PCDHGA12: variants seen among roughly 807,000 people sequenced by gnomAD.
PCDHGA12 encodes protocadherin gamma-A12.
A neutral mutation model predicts 61.1 loss-of-function variants in PCDHGA12; 43 were observed. That is an observed-to-expected ratio of 0.70 (90% CI 0.55 to 0.91). PCDHGA12 has a LOEUF of 0.91. Ranked by LOEUF, PCDHGA12 falls within the 40% of genes least tolerant of loss-of-function variation. PCDHGA12 has a pLI of 0.00. For missense variants in PCDHGA12, 1,236 were observed against 1,227.7 expected (o/e 1.01, Z -0.10); for synonymous variants, 520 against 542.9 (o/e 0.96, Z 0.59).
At chr5:141,447,976 C>T (rs774074042) in intron 1 of PCDHGA12, among the ~76,000 whole-genome samples, 18 of 151,938 alleles carry the variant, frequency 1.2e-4, no homozygotes, top group Non-Finnish European at 2.5e-4. Flanking sequence ...ATCCCAGCTA[C>T]TCGGGAGGCT....
At chr5:141,434,265 GA>G (rs2097683598) in intron 1 of PCDHGA12, among the ~76,000 whole-genome samples, 1 of 152,186 alleles carries the variant, frequency 6.6e-6, no homozygotes, top group South Asian at 2.1e-4. Context: ...GGGGGAGGTG[GA>G]AATTAGAGGT....
Position 141,490,148 on chromosome 5 carries a change from A to T in PCDHGA12, c.2425-4659A>T. On this transcript the variant is annotated intron_variant, in intron 1 of 3. Transcript: ENST00000252085. This position sits in a 1 kb window ranked among gnomAD's most constrained non-coding sequence, Gnocchi z 5.4. The stretch of plus-strand genomic sequence containing the variant: ...CTAGACCCTAGCAGTGGGGCAATCC[A>T]TGTGTTGGGTCCCATAGACTTTGAG... The T allele has an allele frequency of 6.2e-7, 1 of 1,614,232 alleles. No homozygotes were observed. The highest frequency in any genetic ancestry group is 1.3e-5 in the African/African-American group (1 of 75,068).
Position 141,505,420 on chromosome 5 carries a change from C to G in PCDHGA12, c.2511C>G (p.Thr837=), listed in dbSNP as rs1236398971. 6.2e-7 allele frequency: 1 copy of G among 1,614,102 alleles called. No individual in the cohort carries two copies. Among genetic ancestry groups the G allele is most frequent in the Non-Finnish European group, 8.5e-7 (1 of 1,180,034 alleles). ...SGSQNGDDTG[T]WPNNQFDTEM... is the part of the protein sequence containing the mutation. ...CCCAAAATGGCGATGACACCGGCACCTGGCCCAACAACCAGTTTGACACAG... is the reference window on the plus strand; with the variant it reads ...CCCAAAATGGCGATGACACCGGCACGTGGCCCAACAACCAGTTTGACACAG... The change falls in exon 3 of 4, where the codon ACC becomes ACG. Residue 837 remains threonine (T), a synonymous_variant. Coordinates refer to ENST00000252085, the MANE Select transcript of PCDHGA12 (RefSeq NM_003735.3).
intron 2 of PCDHGA12, among the ~76,000 whole-genome samples, chr5:141,501,719 T>C (rs1024307894): frequency 6.6e-6 from 1 of 152,028 alleles, no homozygotes; most frequent in African/African-American, 2.4e-5. Context: ...AAAAGACAAA[T>C]ATATTACCCA....
intron 1 of PCDHGA12, among the ~76,000 whole-genome samples, chr5:141,480,151 C>T (rs543997143): frequency 1.3e-5 from 2 of 152,162 alleles, no homozygotes; most frequent in African/African-American, 4.8e-5. Context: ...TTAGCCAGCT[C>T]CTAGCATTTT....
chr5:141,478,748 A>G (rs2099474609), intron 1 of PCDHGA12: 2 of 1,525,644 alleles, frequency 1.3e-6, no homozygotes, highest in African/African-American at 1.4e-5. Context: ...GTCCCATTTC[A>G]GGGGGAAGAT....
chr5:141,458,509 CTTTGT>C (rs1181745590), intron 1 of PCDHGA12, among the ~76,000 whole-genome samples: 1 of 149,986 alleles, frequency 6.7e-6, no homozygotes, highest in Non-Finnish European at 1.5e-5. Context: ...CTGTTTGACA[CTTTGT>C]TTTTTTTTTT....
Position 141,430,720 on chromosome 5 carries a change from T to G in PCDHGA12, c.-40T>G. Reference sequence around the variant, plus strand: ...AAGGAACTGCTCCTGACTTCAGTGGTTAAGGGCAGAATTGAAAATAATTCT... The same window carrying G: ...AAGGAACTGCTCCTGACTTCAGTGGGTAAGGGCAGAATTGAAAATAATTCT... On this transcript the variant is annotated 5_prime_UTR_variant, in exon 1 of 4. Coordinates refer to ENST00000252085, the MANE Select transcript of PCDHGA12 (RefSeq NM_003735.3). 6.7e-7 allele frequency: 1 copy of G among 1,486,390 alleles called. No homozygotes were observed. Among genetic ancestry groups the G allele is most frequent in the East Asian group, 2.4e-5 (1 of 42,210 alleles). The allele number at this position is 1,486,390 out of a possible 1,614,324, so 92.1% of individuals were successfully genotyped here.
At chr5:141,503,023 A>T (rs1163676028) in intron 2 of PCDHGA12, among the ~76,000 whole-genome samples, 1 of 141,884 alleles carries the variant, frequency 7.0e-6, no homozygotes, top group African/African-American at 2.6e-5. Context: ...TTTTTTTTTT[A>T]ATATCTATTT....
At chr5:141,433,220 T>C (rs781745522) in intron 1 of PCDHGA12, 37 bp downstream of exon 1, 1 of 1,509,734 alleles carries the variant, frequency 6.6e-7, no homozygotes, top group South Asian at 1.2e-5. Flanking sequence ...TTTTTTTTTT[T>C]AATTGCTCTG....
chr5:141,433,159 T>C lies in PCDHGA12; in HGVS notation c.2400T>C (p.Ser800=). 1.2e-6 allele frequency: 2 copies of C among 1,613,968 alleles called. No individual in the cohort carries two copies. The highest frequency in any genetic ancestry group is 1.7e-6 in the Non-Finnish European group (2 of 1,179,980). ...PLLLSGDSVF[S]KDSHGLIEQA... is the part of the protein sequence containing the mutation. ...TGCTGTCAGGTGATTCGGTATTTTC[T>C]AAAGACAGTCATGGGTTAATTGAGG... Residue 800 remains serine, a synonymous_variant, in exon 1 of 4, where the codon TCT becomes TCC. Transcript: ENST00000252085.
Position 141,491,910 on chromosome 5 carries a change from G to A in PCDHGA12, c.2425-2897G>A, listed in dbSNP as rs946745903. 1.4e-5 allele frequency: 19 copies of A among 1,406,944 alleles called. No individual in the cohort carries two copies. The South Asian group carries it at 2.6e-4, about 19-fold the overall frequency. 87.2% of individuals were successfully genotyped at this position (1,406,944 alleles called of 1,614,324 possible). On this transcript the variant is annotated intron_variant, in intron 1 of 3. Transcript: ENST00000252085. This position sits in a 1 kb window ranked among gnomAD's most constrained non-coding sequence, Gnocchi z 6.9. ...GGCTCCGAGCACCGGGGGTGGTGGCGACTGTGGGCGAGGGGAGGTGGGACC... is the reference window on the plus strand; with the variant it reads ...GGCTCCGAGCACCGGGGGTGGTGGCAACTGTGGGCGAGGGGAGGTGGGACC...
In PCDHGA12 at chr5:141,487,102, G is replaced by C; in HGVS notation, c.2425-7705G>C. The C allele has an allele frequency of 6.2e-7, 1 of 1,613,900 alleles. No homozygotes were observed. Among genetic ancestry groups the C allele is most frequent in the Non-Finnish European group, 8.5e-7 (1 of 1,179,818 alleles). ...CAGCTGACCTCCCACCACAGAAGCTGGTCATTGTGGTAAAGGATAGTGGTA... is the reference window on the plus strand; with the variant it reads ...CAGCTGACCTCCCACCACAGAAGCTCGTCATTGTGGTAAAGGATAGTGGTA... On this transcript the variant is annotated intron_variant, in intron 1 of 3. Transcript: ENST00000252085. This position sits in a 1 kb window ranked among gnomAD's most constrained non-coding sequence, Gnocchi z 5.0.
intron 1 of PCDHGA12, among the ~76,000 whole-genome samples, chr5:141,474,405 GT>G (rs2099348889): frequency 6.6e-6 from 1 of 152,196 alleles, no homozygotes; most frequent in African/African-American, 2.4e-5. Flanking sequence ...AAGCTCCCCG[GT>G]GATGCCTAGA....
intron 1 of PCDHGA12, among the ~76,000 whole-genome samples, chr5:141,456,083 G>A (rs2098842632): frequency 6.6e-6 from 1 of 151,960 alleles, no homozygotes; most frequent in South Asian, 2.1e-4. Context: ...ATTTTCAGTA[G>A]AGACGGGATT....
intron 1 of PCDHGA12, among the ~76,000 whole-genome samples, chr5:141,453,121 G>A (rs62379169): frequency 4.7e-4 from 71 of 151,818 alleles, no homozygotes; most frequent in Non-Finnish European, 8.4e-4. Flanking sequence ...GTTTTGTTTT[G>A]TTTTGTTTTT....
intron 1 of PCDHGA12, among the ~76,000 whole-genome samples, chr5:141,451,644 G>A (rs1730833205): frequency 6.6e-6 from 1 of 152,178 alleles, no homozygotes; most frequent in Non-Finnish European, 1.5e-5. Context: ...CACTCTGAGA[G>A]GCCAAGGAGG....
chr5:141,499,689 C>CTTTT (rs545067566), intron 2 of PCDHGA12, among the ~76,000 whole-genome samples: 17 of 119,848 alleles, frequency 1.4e-4, no homozygotes, highest in East Asian at 2.4e-4. Context: ...TAACAGATGA[C>CTTTT]TTTTTTTTTT....
rs190955361 is a variant in PCDHGA12, at chr5:141,486,090, G to A, written c.2425-8717G>A. On this transcript the variant is annotated intron_variant, in intron 1 of 3. Transcript: ENST00000252085. The surrounding 1 kb of genome is among the most constrained non-coding windows in gnomAD (Gnocchi z 5.0). ...ACTACTGGAAAGCTTACTCTTTTGG[G>A]GCCCCTAGACTTTGAGAGTGAGAAT... 3 of 1,614,086 alleles carry A rather than the reference G, an allele frequency of 1.9e-6. No homozygotes were observed. The highest frequency in any genetic ancestry group is 1.6e-4 in the Middle Eastern group (1 of 6,062).
Sources: allele counts gnomAD v4.1 joint callset (sites outside exome capture counted in the v4.1 genomes callset), GRCh38; gene constraint gnomAD v4.1.1; non-coding constraint Gnocchi (gnomAD v3.1); transcripts MANE v1.5; gene names NCBI Gene and HGNC (gene_info 2026-07-23, HGNC 2026-07-21).